The following NSD2 variants were observed in gnomAD, a reference collection of about 807,000 sequenced individuals.
The protein encoded by NSD2 is histone-lysine N-methyltransferase NSD2.
Under a neutral mutation model 139.0 loss-of-function variants are expected in NSD2, and 12 were observed. The observed-to-expected ratio is 0.09, with a 90% CI of 0.06 to 0.14. NSD2 has a LOEUF of 0.14. NSD2 is among the 10% of genes least tolerant of loss of function. The probability of loss-of-function intolerance (pLI) is 1.00; values close to 1 mark genes in which losing one functional copy is unlikely to be tolerated. For synonymous variants in NSD2, 669 were observed against 648.7 expected (o/e 1.03, Z -0.48); for missense variants, 1,155 against 1,745.0 (o/e 0.66, Z 6.02).
intron 18 of NSD2, among the ~76,000 whole-genome samples, chr4:1,963,998 C>T (rs1043036006): frequency 2.0e-5 from 3 of 152,144 alleles, no homozygotes; most frequent in African/African-American, 7.2e-5. Context: ...AACCCGGTCT[C>T]TAAACAAAAC....
chr4:1,935,537 T>G (rs1014760242), intron 7 of NSD2, among the ~76,000 whole-genome samples: 3 of 152,238 alleles, frequency 2.0e-5, no homozygotes, highest in Non-Finnish European at 4.4e-5. Flanking sequence ...TAATACTTGT[T>G]TTTTAGATTG....
In NSD2 at chr4:1,951,063, C is replaced by T; in HGVS notation, c.1882-9C>T. The T allele has an allele frequency of 1.2e-6, 2 of 1,613,952 alleles. No individual in the cohort carries two copies. The highest frequency in any genetic ancestry group is 1.7e-6 in the Non-Finnish European group (2 of 1,179,902). On this transcript the variant is annotated splice_polypyrimidine_tract_variant and intron_variant, in intron 9 of 21. Coordinates refer to ENST00000508803, the MANE Select transcript of NSD2 (RefSeq NM_001042424.3). The stretch of plus-strand genomic sequence containing the variant: ...CTAGTGAACTGTCATCCGCCTCCTT[C>T]ATCTCTAGGTCTCGGACAGCCCGGG...
At position 1,952,360 on chromosome 4, in the gene NSD2, C is replaced by G. The variant is rs1474903342; in HGVS notation, c.2137+129C>G. 3.6e-6 allele frequency: 5 copies of G among 1,390,612 alleles called. No homozygotes were observed. The East Asian group carries it at 1.2e-4, about 33-fold the overall frequency. The allele number at this position is 1,390,612 out of a possible 1,614,324, so 86.1% of individuals were successfully genotyped here. A position where few individuals can be genotyped will look rare whatever the true frequency, so the allele number is the denominator to read the frequency against. On this transcript the variant is annotated intron_variant, in intron 11 of 21. Coordinates refer to ENST00000508803, the MANE Select transcript of NSD2 (RefSeq NM_001042424.3). ...CTCCCCACCCCCACCGCCTGGCCCTCTCTGGAGCTTGTAGCCCACAGCTGG... is the reference window on the plus strand; with the variant it reads ...CTCCCCACCCCCACCGCCTGGCCCTGTCTGGAGCTTGTAGCCCACAGCTGG...
Position 1,953,314 on chromosome 4 carries a change from T to C in NSD2, c.2138-10T>C. 6.2e-7 allele frequency: 1 copy of C among 1,614,250 alleles called. No individual in the cohort carries two copies. Among genetic ancestry groups the C allele is most frequent in the Non-Finnish European group, 8.5e-7 (1 of 1,180,042 alleles). Reference sequence around the variant, plus strand: ...CCTCTCTCTCCACCCCTTCTTTAACTTTTTGTTAGGGATTCACTCATGTTT... The same window carrying C: ...CCTCTCTCTCCACCCCTTCTTTAACCTTTTGTTAGGGATTCACTCATGTTT... On this transcript the variant is annotated splice_polypyrimidine_tract_variant and intron_variant, in intron 11 of 21. Transcript: ENST00000508803.
At chr4:1,960,530 C>T (rs1320531295) in intron 17 of NSD2, among the ~76,000 whole-genome samples, 1 of 152,182 alleles carries the variant, frequency 6.6e-6, no homozygotes, top group East Asian at 1.9e-4. Flanking sequence ...TTGGCATGAC[C>T]CAGGTCCATA....
intron 1 of NSD2, among the ~76,000 whole-genome samples, chr4:1,878,408 A>G (rs1714460128): frequency 6.6e-6 from 1 of 151,372 alleles, no homozygotes; most frequent in Non-Finnish European, 1.5e-5. Context: ...ATGCCTGGCC[A>G]AAAAAACTTT....
At chr4:1,938,589 T>TGGGGGGGGGGGGG in intron 8 of NSD2, 57 bp downstream of exon 8, 1 of 537,340 alleles carries the variant, frequency 1.9e-6, no homozygotes, top group Non-Finnish European at 3.5e-6. Flanking sequence ...CTGGGCTGGG[T>TGGGGGGGGGGGGG]GGGTGGGCTG....
intron 21 of NSD2, among the ~76,000 whole-genome samples, chr4:1,977,056 C>T (rs1727161987): frequency 6.6e-6 from 1 of 152,246 alleles, no homozygotes; most frequent in African/African-American, 2.4e-5. Context: ...AACAGTGTCT[C>T]CCTGGCAGCC....
intron 1 of NSD2, among the ~76,000 whole-genome samples, chr4:1,894,263 TTC>T (rs1715939778): frequency 1.3e-5 from 2 of 152,326 alleles, no homozygotes; most frequent in South Asian, 4.1e-4. Flanking sequence ...GGTGAAGATT[TTC>T]TGTTTGTCCT....
At chr4:1,904,456 T>G (rs1305587721) in intron 3 of NSD2, 78 bp downstream of exon 3, 8 of 1,454,786 alleles carry the variant, frequency 5.5e-6, no homozygotes, top group Admixed American at 4.4e-5. Flanking sequence ...TCTTTCTTAC[T>G]CTTTCTAAAT....
In NSD2 at chr4:1,958,530, A is replaced by G. The variant is rs1282218233; in HGVS notation, c.2985+494A>G. Among the ~76,000 whole-genome samples the G allele has an allele frequency of 3.3e-5, 5 of 152,236 alleles. No homozygotes were observed. The highest frequency in any genetic ancestry group is 2.6e-4 in the Admixed American group (4 of 15,282). On this transcript the variant is annotated intron_variant, in intron 16 of 21. Transcript: ENST00000508803. The surrounding 1 kb of genome is among the most constrained non-coding windows in gnomAD (Gnocchi z 4.6). ...AGTGCAGCCAGGGCAGGGCTCTGTG[A>G]GAGCTCCAGGCCCCTCAGGGCTGCC...
intron 1 of NSD2, chr4:1,899,295 A>T (rs1206879802): frequency 6.6e-6 from 1 of 151,724 alleles, no homozygotes; most frequent in Non-Finnish European, 1.5e-5. Context: ...GGTGTCCTCC[A>T]CCTCAGTACT....
chr4:1,965,146 A>G (rs746424531), intron 18 of NSD2, among the ~76,000 whole-genome samples: 10 of 151,984 alleles, frequency 6.6e-5, no homozygotes, highest in Non-Finnish European at 1.2e-4. Flanking sequence ...TCCCTAAAAG[A>G]AAGGCCAGAT....
intron 18 of NSD2, among the ~76,000 whole-genome samples, chr4:1,963,612 T>C (rs1471568979): frequency 6.6e-6 from 1 of 152,262 alleles, no homozygotes; most frequent in Non-Finnish European, 1.5e-5. Context: ...AATCCACAAG[T>C]TGGTTCCTGA....
chr4:1,932,319 A>G (rs560469293), intron 6 of NSD2, among the ~76,000 whole-genome samples: 2 of 151,532 alleles, frequency 1.3e-5, no homozygotes, highest in South Asian at 4.2e-4. Context: ...CATGCCTGTA[A>G]TCCCAGCTAC....
chr4:1,902,005 A>T (rs1370544230), intron 2 of NSD2, among the ~76,000 whole-genome samples: 1 of 152,216 alleles, frequency 6.6e-6, no homozygotes. Context: ...TATAAGCCAT[A>T]GGAAACAACC....
At chr4:1,946,924 A>T in intron 9 of NSD2, 2 of 1,058,082 alleles carry the variant, frequency 1.9e-6, no homozygotes, top group Non-Finnish European at 2.3e-6. Context: ...TAGCCTACCT[A>T]TAGTTGTTGG....
chr4:1,880,210 A>T (rs1714599817), intron 1 of NSD2, among the ~76,000 whole-genome samples: 1 of 152,118 alleles, frequency 6.6e-6, no homozygotes, highest in African/African-American at 2.4e-5. Flanking sequence ...TCAGCAGCAA[A>T]GCATCTTCTT....
intron 5 of NSD2, among the ~76,000 whole-genome samples, chr4:1,928,653 ACT>A (rs1265420255): frequency 2.0e-5 from 3 of 151,510 alleles, no homozygotes; most frequent in Admixed American, 6.6e-5. Context: ...GGCGCTTGTG[ACT>A]CTGCTTTGAC....
Sources: allele counts gnomAD v4.1 joint callset (sites outside exome capture counted in the v4.1 genomes callset), GRCh38; gene constraint gnomAD v4.1.1; non-coding constraint Gnocchi (gnomAD v3.1); transcripts MANE v1.5; gene names NCBI Gene and HGNC (gene_info 2026-07-23, HGNC 2026-07-21).